Variants in RASA2 observed in about 807,000 individuals in gnomAD.
RASA2 encodes the protein RAS p21 protein activator 2, also known as ras GTPase-activating protein 2.
In RASA2, 155 loss-of-function variants were observed where a neutral mutation model predicts 118.2. The observed-to-expected ratio is 1.31, with a 90% CI of 1.15 to 1.50. The LOEUF is 1.50. RASA2 is among the 40% of genes most tolerant of loss of function. RASA2 has a pLI of 0.00. For synonymous variants in RASA2, 353 were observed against 349.1 expected, an observed-to-expected ratio of 1.01 and a Z score of -0.12; for missense variants, 1,016 against 1,009.6, an observed-to-expected ratio of 1.01 and a Z score of -0.09.
At chr3:141,571,687 T>A in intron 11 of RASA2, 133 bp downstream of exon 11, 2 of 795,244 alleles carry the variant, frequency 2.5e-6, no homozygotes, top group Non-Finnish European at 3.7e-6. Flanking sequence ...AAGAAGTACT[T>A]AACAAATAAC....
chr3:141,598,554 A>G (rs1305027026), intron 19 of RASA2, among the ~76,000 whole-genome samples: 1 of 152,254 alleles, frequency 6.6e-6, no homozygotes, highest in East Asian at 1.9e-4. Flanking sequence ...TAGCCAATGC[A>G]GTAAGACAAG....
Position 141,560,282 on chromosome 3 carries a change from A to G in RASA2, c.863+287A>G, listed in dbSNP as rs139825692. On this transcript the variant is annotated intron_variant, in intron 9 of 23. Coordinates refer to ENST00000286364, the MANE Select transcript of RASA2 (RefSeq NM_006506.5). ...AAATGGGAAACATTTAAAACATTACATAAGAGTTGTTCATGTAAGAAAACG... is the reference window on the plus strand; with the variant it reads ...AAATGGGAAACATTTAAAACATTACGTAAGAGTTGTTCATGTAAGAAAACG... 3.9e-3 allele frequency among the ~76,000 whole-genome samples: 587 copies of G among 152,320 alleles called. 3 individuals are homozygous for G. The highest frequency in any genetic ancestry group is 0.013 in the African/African-American group (547 of 41,582).
Position 141,608,509 on chromosome 3 carries a change from G to T in RASA2, c.2037G>T (p.Thr679=), listed in dbSNP as rs753010712. 6.2e-7 allele frequency: 1 copy of T among 1,613,524 alleles called. No homozygotes were observed. The highest frequency in any genetic ancestry group is 8.5e-7 in the Non-Finnish European group (1 of 1,179,774). The change falls in exon 21 of 24, where the codon ACG becomes ACT. Residue 679 remains threonine, a synonymous_variant. Transcript: ENST00000286364. ...TGAAGATGTTCCAAGTAATACATACGGAGAAACCACTCTATGTCCAGGCAA... is the reference window on the plus strand; with the variant it reads ...TGAAGATGTTCCAAGTAATACATACTGAGAAACCACTCTATGTCCAGGCAA... ...NKKNMFQVIH[T]EKPLYVQANN...
intron 19 of RASA2, among the ~76,000 whole-genome samples, chr3:141,602,292 C>G (rs1254132683): frequency 6.6e-6 from 1 of 152,156 alleles, no homozygotes; most frequent in Non-Finnish European, 1.5e-5. Flanking sequence ...GGTGGGGGGT[C>G]ATGTATTTGG....
chr3:141,498,117 TTGAG>T (rs1251542730), intron 1 of RASA2, among the ~76,000 whole-genome samples: 2 of 152,212 alleles, frequency 1.3e-5, no homozygotes, highest in African/African-American at 2.4e-5. Context: ...CTAATGTTTA[TTGAG>T]TATTTCCTGG....
At chr3:141,521,831 T>C (rs2151088433) in intron 3 of RASA2, among the ~76,000 whole-genome samples, 1 of 152,174 alleles carries the variant, frequency 6.6e-6, no homozygotes, top group South Asian at 2.1e-4. Flanking sequence ...GTTGATGGTT[T>C]TACTTATACA....
chr3:141,566,485 A>G (rs2151125275), intron 9 of RASA2, among the ~76,000 whole-genome samples: 1 of 152,354 alleles, frequency 6.6e-6, no homozygotes, highest in Non-Finnish European at 1.5e-5. Flanking sequence ...GAATCTATAA[A>G]AGAGACTTAA....
rs2083667041 is a variant in RASA2, at chr3:141,612,420, AT to A, written c.*108del. 1.2e-6 allele frequency: 1 copy of A among 829,934 alleles called. No homozygotes were observed. Among genetic ancestry groups the A allele is most frequent in the African/African-American group, 1.7e-5 (1 of 57,354 alleles). 51.4% of individuals were successfully genotyped at this position (829,934 alleles called of 1,614,324 possible). On this transcript the variant is annotated 3_prime_UTR_variant, in exon 24 of 24. Coordinates refer to ENST00000286364, the MANE Select transcript of RASA2 (RefSeq NM_006506.5). ...TATTTAAGAATGAGCATCCGCTTCAATGTCATCTGCCTCCACATTGTATTTA... is the reference window on the plus strand; with the variant it reads ...TATTTAAGAATGAGCATCCGCTTCAAGTCATCTGCCTCCACATTGTATTTA...
In RASA2 at chr3:141,612,373, T is replaced by G; in HGVS notation, c.*60T>G. 7.2e-7 allele frequency: 1 copy of G among 1,397,576 alleles called. No homozygotes were observed. Among genetic ancestry groups the G allele is most frequent in the African/African-American group, 1.4e-5 (1 of 69,216 alleles). 86.6% of individuals were successfully genotyped at this position (1,397,576 alleles called of 1,614,324 possible). A position where few individuals can be genotyped will look rare whatever the true frequency, so the allele number is the denominator to read the frequency against. ...ATTATTTTTCTTGGAGCTTTTCAAT[T>G]CATCATGTATTTTGTTCATGGTATT... On this transcript the variant is annotated 3_prime_UTR_variant, in exon 24 of 24. Coordinates refer to ENST00000286364, the MANE Select transcript of RASA2 (RefSeq NM_006506.5).
At position 141,609,979 on chromosome 3, in the gene RASA2, A is replaced by G. The variant is rs2107803295; in HGVS notation, c.2432A>G (p.Gln811Arg). The stretch of plus-strand genomic sequence containing the variant: ...TCTGTAACAACCTTTAAGACAATTC[A>G]GCAAATAAAAAGCATAATTGAGAAG... The part of the protein sequence containing the change: ...EDSVTTFKTI[Q>R]QIKSIIEKLD... The change falls in exon 23 of 24, where the codon CAG (glutamine) becomes CGG (arginine). Residue 811 changes from glutamine to arginine, a missense_variant. Physicochemically the swap from Gln to Arg is conservative, Grantham distance 43. Transcript: ENST00000286364. 7 of 1,606,050 alleles carry G rather than the reference A, an allele frequency of 4.4e-6. No homozygotes were observed. Among genetic ancestry groups the G allele is most frequent in the Non-Finnish European group, 6.0e-6 (7 of 1,176,216 alleles).
At chr3:141,560,976 A>C (rs927547130) in intron 9 of RASA2, among the ~76,000 whole-genome samples, 37 of 152,294 alleles carry the variant, frequency 2.4e-4, no homozygotes, top group African/African-American at 8.2e-4. Flanking sequence ...GGAGACTCTC[A>C]AAATTTTTAC....
At chr3:141,589,415 G>A (rs1284962396) in intron 19 of RASA2, among the ~76,000 whole-genome samples, 1 of 152,038 alleles carries the variant, frequency 6.6e-6, no homozygotes, top group Non-Finnish European at 1.5e-5. Flanking sequence ...GGACCCCTTT[G>A]TCTAGAAAAC....
At position 141,590,912 on chromosome 3, in the gene RASA2, G is replaced by A. The variant is rs558281096; in HGVS notation, c.1933+4160G>A. Among the ~76,000 whole-genome samples, 188 of 152,308 alleles carry A rather than the reference G, an allele frequency of 1.2e-3. 2 individuals carry two copies. The South Asian group carries it at 0.037, about 30-fold the overall frequency. ...AAATTTTTGAGGCCCCTTTAGGCAA[G>A]TGCTAACAGGCAATAGTAAGCAACT... On this transcript the variant is annotated intron_variant, in intron 19 of 23. Coordinates refer to ENST00000286364, the MANE Select transcript of RASA2 (RefSeq NM_006506.5).
intron 1 of RASA2, among the ~76,000 whole-genome samples, chr3:141,496,653 A>C (rs1453428883): frequency 6.6e-6 from 1 of 152,220 alleles, no homozygotes; most frequent in Admixed American, 6.5e-5. Flanking sequence ...ATCATTAAAA[A>C]GTCAGGAAAC....
In RASA2 at chr3:141,502,989, T is replaced by C. The variant is rs113201723; in HGVS notation, c.134-9174T>C. 2.1e-3 allele frequency among the ~76,000 whole-genome samples: 327 copies of C among 152,314 alleles called. 4 individuals carry two copies. Among genetic ancestry groups the C allele is most frequent in the African/African-American group, 7.5e-3 (310 of 41,574 alleles). On this transcript the variant is annotated intron_variant, in intron 1 of 23. Transcript: ENST00000286364. ...AAAGACTCTAGGCTTTGGAGTTTGA[T>C]TTATGCCAGATAACCTTACCAGCTA... is the stretch of plus-strand genomic sequence containing the variant.
At chr3:141,560,642 TC>T (rs1394109463) in intron 9 of RASA2, among the ~76,000 whole-genome samples, 45 of 152,344 alleles carry the variant, frequency 3.0e-4, no homozygotes, top group African/African-American at 1.0e-3. Context: ...TGAGCTAGTT[TC>T]CTTAGCAGAA....
At chr3:141,608,142 T>G (rs766840514) in intron 20 of RASA2, among the ~76,000 whole-genome samples, 3 of 152,224 alleles carry the variant, frequency 2.0e-5, no homozygotes, top group Non-Finnish European at 4.4e-5. Flanking sequence ...ACCATACACT[T>G]AAGCCAACCA....
chr3:141,524,009 G>A (rs1381572772), intron 3 of RASA2, among the ~76,000 whole-genome samples: 2 of 152,174 alleles, frequency 1.3e-5, no homozygotes, highest in East Asian at 1.9e-4. Flanking sequence ...CTACACTTTG[G>A]TGTCTGTTTG....
intron 9 of RASA2, 127 bp from the exon 10 acceptor site, chr3:141,570,785 G>A: frequency 1.3e-6 from 1 of 792,518 alleles, no homozygotes; most frequent in Non-Finnish European, 1.9e-6. Context: ...TGCTACTTAT[G>A]AAGCTTCCTA....
Sources: allele counts gnomAD v4.1 joint callset (sites outside exome capture counted in the v4.1 genomes callset), GRCh38; gene constraint gnomAD v4.1.1; transcripts MANE v1.5; gene names NCBI Gene and HGNC (gene_info 2026-07-23, HGNC 2026-07-21).